PCNX1: variants seen among roughly 807,000 people sequenced by gnomAD.
PCNX1 encodes pecanex 1.
Under a neutral mutation model 242.2 loss-of-function variants are expected in PCNX1, and 78 were observed. That is an observed-to-expected ratio of 0.32 (90% CI 0.27 to 0.39). The LOEUF is 0.39. Ranked by LOEUF, PCNX1 falls within the 10% of genes least tolerant of loss-of-function variation. PCNX1 has a pLI of 1.00. For missense variants in PCNX1, 2,581 were observed against 2,856.5 expected, an observed-to-expected ratio of 0.90 and a Z score of 2.20; for synonymous variants, 1,024 against 1,032.9, an observed-to-expected ratio of 0.99 and a Z score of 0.17.
At chr14:70,958,745 C>T (rs148919584) in intron 2 of PCNX1, among the ~76,000 whole-genome samples, 1 of 151,976 alleles carries the variant, frequency 6.6e-6, no homozygotes, top group Non-Finnish European at 1.5e-5. Context: ...GGGTCCTGTG[C>T]TTATTCTAGA....
At position 70,978,638 on chromosome 14, in the gene PCNX1, A is replaced by C. The variant is rs1324713140; in HGVS notation, c.2301A>C (p.Ala767=). ...TTCCTGAAGGGGAAGAGCAAGATGC[A>C]GTCAGTGGAGGTAAGTAAACTGTAA... ...VAFPEGEEQD[A]VSGAAQASEE... The change falls in exon 6 of 36, where the codon GCA becomes GCC. Residue 767 remains alanine, a synonymous_variant. Transcript: ENST00000304743. 38 of 1,610,150 alleles carry C rather than the reference A, an allele frequency of 2.4e-5. No homozygotes were observed. The highest frequency in any genetic ancestry group is 3.1e-5 in the Non-Finnish European group (37 of 1,178,164).
At chr14:70,994,420 T>TAG (rs1295530314) in intron 7 of PCNX1, among the ~76,000 whole-genome samples, 7 of 118,756 alleles carry the variant, frequency 5.9e-5, no homozygotes, top group Non-Finnish European at 1.1e-4. Context: ...TATATATATA[T>TAG]ATATATATAT....
chr14:70,907,677 G>GCCTCCT lies in PCNX1; in HGVS notation c.-164_-159dup. 2.7e-6 allele frequency: 2 copies of GCCTCCT among 728,562 alleles called. No individual in the cohort carries two copies. The highest frequency in any genetic ancestry group is 3.6e-6 in the Non-Finnish European group (2 of 554,666). 45.1% of individuals were successfully genotyped at this position (728,562 alleles called of 1,614,324 possible). On this transcript the variant is annotated 5_prime_UTR_variant, in exon 1 of 36. Transcript: ENST00000304743. ...TCGGGTCTCCTCCTCCTCGTTTGCT[G>GCCTCCT]CCTCCTCCTCCTCCTGCAGCAGCAC...
chr14:70,912,388 G>A (rs2055957219), intron 1 of PCNX1, among the ~76,000 whole-genome samples: 1 of 151,982 alleles, frequency 6.6e-6, no homozygotes, highest in Non-Finnish European at 1.5e-5. Flanking sequence ...CTATTGATTT[G>A]TATTTTATAA....
intron 1 of PCNX1, among the ~76,000 whole-genome samples, chr14:70,910,373 C>T (rs983705641): frequency 1.3e-5 from 2 of 151,442 alleles, no homozygotes; most frequent in African/African-American, 4.9e-5. Context: ...CTCTGTGATT[C>T]TTTCAGATCA....
chr14:71,110,298 G>A lies in PCNX1; in HGVS notation c.*363G>A. 1 of 310,370 alleles carries A rather than the reference G, an allele frequency of 3.2e-6. No individual in the cohort carries two copies. The highest frequency in any genetic ancestry group is 2.8e-5 in the South Asian group (1 of 35,138). 19.2% of individuals were successfully genotyped at this position (310,370 alleles called of 1,614,324 possible). ...GATCTCATATTTTTCTAATTTCTTT[G>A]CCAAAAATAATTGCCATGTTTTGTC... On this transcript the variant is annotated 3_prime_UTR_variant, in exon 36 of 36. Coordinates refer to ENST00000304743, the MANE Select transcript of PCNX1 (RefSeq NM_014982.3).
chr14:70,914,196 A>AG (rs1318221070), intron 1 of PCNX1, among the ~76,000 whole-genome samples: 1 of 152,198 alleles, frequency 6.6e-6, no homozygotes, highest in Non-Finnish European at 1.5e-5. Context: ...AAAAGCGGGT[A>AG]GGGGGCGAGG....
At chr14:71,082,018 C>T (rs930368856) in intron 28 of PCNX1, among the ~76,000 whole-genome samples, 3 of 152,172 alleles carry the variant, frequency 2.0e-5, no homozygotes, top group African/African-American at 7.2e-5. Context: ...TCTCTCTAAA[C>T]ACTGTTTTAG....
rs2062065907 is a variant in PCNX1, at chr14:71,089,128, T to G, written c.5439-64T>G. 7 of 1,227,884 alleles carry G rather than the reference T, an allele frequency of 5.7e-6. No individual in the cohort carries two copies. The African/African-American group carries it at 1.1e-4, about 18-fold the overall frequency. The allele number at this position is 1,227,884 out of a possible 1,614,324, so 76.1% of individuals were successfully genotyped here. ...GGTGATTCTGATGCACACGCAGATG[T>G]AAGAATCAGTGTCATGGAAGACCTT... On this transcript the variant is annotated intron_variant, in intron 29 of 35. Transcript: ENST00000304743.
At chr14:71,001,059 A>G (rs2059491698) in intron 8 of PCNX1, among the ~76,000 whole-genome samples, 1 of 152,208 alleles carries the variant, frequency 6.6e-6, no homozygotes. Flanking sequence ...TCAGGATTAT[A>G]TTTATTAAGC....
intron 19 of PCNX1, among the ~76,000 whole-genome samples, chr14:71,041,798 C>G (rs2060714348): frequency 8.3e-6 from 1 of 120,826 alleles, no homozygotes; most frequent in African/African-American, 3.5e-5. Context: ...CTATACTATA[C>G]TATACTATAC....
intron 6 of PCNX1, among the ~76,000 whole-genome samples, chr14:70,985,891 A>C (rs1260279712): frequency 6.6e-6 from 1 of 152,088 alleles, no homozygotes; most frequent in Non-Finnish European, 1.5e-5. Flanking sequence ...CTGATTCCCT[A>C]GTTAAAAGAT....
In PCNX1 at chr14:71,004,172, A is replaced by G. The variant is rs2059589010; in HGVS notation, c.2630-5462A>G. On this transcript the variant is annotated intron_variant, in intron 8 of 35. Coordinates refer to ENST00000304743, the MANE Select transcript of PCNX1 (RefSeq NM_014982.3). ...TACAGTTGTAGACTTGAATTGTTGC[A>G]ACAGAGGTTATCTGGCCCATGAAGC... 2.0e-5 allele frequency among the ~76,000 whole-genome samples: 3 copies of G among 152,226 alleles called. No individual in the cohort carries two copies. The South Asian group carries it at 6.2e-4, about 32-fold the overall frequency.
chr14:70,981,016 G>A (rs1457936654), intron 6 of PCNX1, among the ~76,000 whole-genome samples: 1 of 152,136 alleles, frequency 6.6e-6, no homozygotes, highest in Non-Finnish European at 1.5e-5. Context: ...AATAAAGTAT[G>A]CTAAAATAGG....
At chr14:71,086,640 T>G (rs1411458207) in intron 28 of PCNX1, among the ~76,000 whole-genome samples, 3 of 152,208 alleles carry the variant, frequency 2.0e-5, no homozygotes, top group Non-Finnish European at 4.4e-5. Flanking sequence ...CGGATGATTC[T>G]TTTCTCAGCC....
At chr14:70,979,132 G>A (rs1157154614) in intron 6 of PCNX1, among the ~76,000 whole-genome samples, 1 of 151,852 alleles carries the variant, frequency 6.6e-6, no homozygotes, top group African/African-American at 2.4e-5. Context: ...TGAGAATTGT[G>A]GCTCTTTTTT....
intron 1 of PCNX1, among the ~76,000 whole-genome samples, chr14:70,918,419 A>AT (rs956427367): frequency 6.6e-6 from 1 of 152,226 alleles, no homozygotes; most frequent in Admixed American, 6.5e-5. Flanking sequence ...CAAATCTTTG[A>AT]TTTTACTATT....
intron 1 of PCNX1, among the ~76,000 whole-genome samples, chr14:70,923,680 A>G (rs1477407353): frequency 2.0e-5 from 3 of 152,164 alleles, no homozygotes; most frequent in African/African-American, 7.2e-5. Context: ...CCCACTTAAT[A>G]TATCTTAAAC....
chr14:71,050,612 T>G, intron 22 of PCNX1, 40 bp from the exon 23 acceptor site: 1 of 1,368,148 alleles, frequency 7.3e-7, no homozygotes. Flanking sequence ...TCTGATAAGT[T>G]TTTTTTTTTT....
Sources: gnomAD v4.1 joint callset for allele counts (sites outside exome capture counted in the v4.1 genomes callset) on GRCh38, gnomAD v4.1.1 for gene constraint, MANE v1.5 for transcripts, NCBI Gene and HGNC (gene_info 2026-07-23, HGNC 2026-07-21) for gene names.